FARS2: variants seen among roughly 807,000 people sequenced by gnomAD.
FARS2 encodes the protein phenylalanyl-tRNA synthetase 2, mitochondrial.
FARS2 carries 40 observed loss-of-function variants against 46.4 expected under a neutral mutation model. The observed-to-expected ratio is 0.86, with a 90% confidence interval of 0.67 to 1.12. FARS2 has a LOEUF of 1.12. Among genes scored for constraint, FARS2 ranks in the 50% most tolerant of loss-of-function variants. The pLI is 0.00. For synonymous variants in FARS2, 234 were observed against 214.9 expected, an observed-to-expected ratio of 1.09 and a Z score of -0.78; for missense variants, 513 against 567.9, an observed-to-expected ratio of 0.90 and a Z score of 0.98.
chr6:5,265,984 G>C (rs1452717990), intron 1 of FARS2, among the ~76,000 whole-genome samples: 2 of 152,118 alleles, frequency 1.3e-5, no homozygotes, highest in Non-Finnish European at 2.9e-5. Flanking sequence ...GAGAAACATT[G>C]ACCTGAAGGA....
chr6:5,615,489 T>C, intron 6 of FARS2, among the ~76,000 whole-genome samples: 1 of 152,244 alleles, frequency 6.6e-6, no homozygotes, highest in East Asian at 1.9e-4. Context: ...CTCTGAGTTA[T>C]TTCTGCTTTC....
chr6:5,600,208 T>G (rs1230357675), intron 5 of FARS2, among the ~76,000 whole-genome samples: 1 of 152,228 alleles, frequency 6.6e-6, no homozygotes, highest in Non-Finnish European at 1.5e-5. Context: ...GTTACCAGAA[T>G]GATTGTTCCA....
intron 1 of FARS2, among the ~76,000 whole-genome samples, chr6:5,264,065 C>T (rs931925542): frequency 6.6e-6 from 1 of 151,802 alleles, no homozygotes; most frequent in Non-Finnish European, 1.5e-5. Flanking sequence ...TACATCATAG[C>T]GAAACCTCAC....
At chr6:5,280,385 G>T (rs1766636989) in intron 1 of FARS2, among the ~76,000 whole-genome samples, 1 of 152,188 alleles carries the variant, frequency 6.6e-6, no homozygotes, top group Admixed American at 6.5e-5. Context: ...GGTGCTTCAA[G>T]AGATGCGAAA....
chr6:5,292,908 G>A (rs776218784), intron 1 of FARS2, among the ~76,000 whole-genome samples: 12 of 152,160 alleles, frequency 7.9e-5, no homozygotes, highest in South Asian at 2.1e-4. Context: ...GAGTAGGAGC[G>A]TTCATGGAGG....
chr6:5,418,374 G>A (rs1474532671), intron 3 of FARS2, among the ~76,000 whole-genome samples: 1 of 152,130 alleles, frequency 6.6e-6, no homozygotes, highest in African/African-American at 2.4e-5. Context: ...GATCCATTTA[G>A]GTCTTCTTTT....
At chr6:5,724,174 G>A (rs760980444) in intron 6 of FARS2, among the ~76,000 whole-genome samples, 10 of 152,198 alleles carry the variant, frequency 6.6e-5, no homozygotes, top group Admixed American at 5.2e-4. Context: ...CAGCTTAGAC[G>A]CCTTTCCTAA....
chr6:5,384,037 T>G (rs1437276242), intron 2 of FARS2, among the ~76,000 whole-genome samples: 1 of 152,190 alleles, frequency 6.6e-6, no homozygotes, highest in Non-Finnish European at 1.5e-5. Context: ...ATGGGTGAAG[T>G]TTTCTCCTAC....
At chr6:5,349,151 C>G (rs149759118) in intron 1 of FARS2, among the ~76,000 whole-genome samples, 1 of 152,106 alleles carries the variant, frequency 6.6e-6, no homozygotes, top group African/African-American at 2.4e-5. Context: ...GATATAAGAT[C>G]AACACATGAA....
At chr6:5,490,527 C>A (rs536726388) in intron 4 of FARS2, among the ~76,000 whole-genome samples, 3 of 152,194 alleles carry the variant, frequency 2.0e-5, no homozygotes, top group African/African-American at 4.8e-5. Flanking sequence ...TGCAAGATGG[C>A]CCCCAGTGAT....
At chr6:5,437,206 T>C (rs944452189) in intron 4 of FARS2, among the ~76,000 whole-genome samples, 9 of 152,216 alleles carry the variant, frequency 5.9e-5, no homozygotes, top group African/African-American at 2.2e-4. Flanking sequence ...TATAATGATT[T>C]TGAGATTTAT....
intron 4 of FARS2, among the ~76,000 whole-genome samples, chr6:5,543,779 C>T (rs1332935183): frequency 6.6e-6 from 1 of 152,148 alleles, no homozygotes. Flanking sequence ...TCAGCCTTCC[C>T]GTGCTGCATC....
chr6:5,441,070 C>T (rs138726839), intron 4 of FARS2, among the ~76,000 whole-genome samples: 5 of 152,154 alleles, frequency 3.3e-5, no homozygotes, highest in South Asian at 2.1e-4. Context: ...TACAGGTGTG[C>T]GCCACCACAA....
chr6:5,302,927 G>A (rs1395516715), intron 1 of FARS2, among the ~76,000 whole-genome samples: 2 of 152,134 alleles, frequency 1.3e-5, no homozygotes, highest in Admixed American at 6.5e-5. Flanking sequence ...AGACACACAG[G>A]GTGCCAGCTG....
intron 4 of FARS2, among the ~76,000 whole-genome samples, chr6:5,517,070 G>C (rs1365193633): frequency 6.6e-6 from 1 of 152,152 alleles, no homozygotes; most frequent in Non-Finnish European, 1.5e-5. Context: ...TATGAGCATG[G>C]AAGGAAGAAG....
At chr6:5,470,634 C>T (rs1053930953) in intron 4 of FARS2, among the ~76,000 whole-genome samples, 6 of 151,996 alleles carry the variant, frequency 3.9e-5, no homozygotes, top group East Asian at 1.9e-4. Context: ...GGATTTGTTC[C>T]GTATAGTTTG....
intron 3 of FARS2, among the ~76,000 whole-genome samples, chr6:5,405,900 C>T (rs560854079): frequency 6.6e-6 from 1 of 152,272 alleles, no homozygotes; most frequent in African/African-American, 2.4e-5. Context: ...ATTATATCAA[C>T]AGCAAAAACA....
chr6:5,365,071 CA>C (rs1261963263), intron 1 of FARS2, among the ~76,000 whole-genome samples: 86 of 138,902 alleles, frequency 6.2e-4, no homozygotes, highest in Admixed American at 6.5e-4. Flanking sequence ...AAGCCAAAGC[CA>C]AAAAAAAAAA....
intron 1 of FARS2, among the ~76,000 whole-genome samples, chr6:5,291,672 G>C (rs1165526886): frequency 6.6e-6 from 1 of 151,986 alleles, no homozygotes; most frequent in Non-Finnish European, 1.5e-5. Flanking sequence ...GAGAGGCTAA[G>C]ACGGGAGTCC....
Sources: allele counts gnomAD v4.1 joint callset (sites outside exome capture counted in the v4.1 genomes callset), GRCh38; gene constraint gnomAD v4.1.1; transcripts MANE v1.5; gene names NCBI Gene and HGNC (gene_info 2026-07-23, HGNC 2026-07-21).